The following GAREM1 variants were observed in gnomAD, a reference collection of about 807,000 sequenced individuals.
GAREM1 encodes GRB2-associated and regulator of MAPK protein 1.
GAREM1 carries 26 observed loss-of-function variants against 71.3 expected under a neutral mutation model. The observed-to-expected ratio is 0.36, with a 90% CI of 0.27 to 0.51. The LOEUF (loss-of-function observed/expected upper bound fraction) is 0.51, where lower values mean the gene tolerates loss of function less well. Among genes scored for constraint, GAREM1 ranks in the 20% least tolerant of loss-of-function variants. GAREM1 has a pLI of 0.95. For missense variants in GAREM1, 1,026 were observed against 1,103.1 expected, an observed-to-expected ratio of 0.93 and a Z score of 0.99; for synonymous variants, 440 against 433.2, an observed-to-expected ratio of 1.02 and a Z score of -0.20.
chr18:32,457,480 C>T lies in GAREM1; in HGVS notation c.121+12828G>A, dbSNP rs1473522959. 5.3e-5 allele frequency among the ~76,000 whole-genome samples: 8 copies of T among 152,016 alleles called. No homozygotes were observed. In the East Asian group the frequency reaches 7.7e-4, roughly 15 times the overall value. Reference sequence around the variant, plus strand: ...CAAGAAACTCTCCTCTGATAACACACATTATTCAACTGTACACAATCTACT... The same window carrying T: ...CAAGAAACTCTCCTCTGATAACACATATTATTCAACTGTACACAATCTACT... On this transcript the variant is annotated intron_variant, in intron 1 of 5. Coordinates refer to ENST00000269209, the MANE Select transcript of GAREM1 (RefSeq NM_001242409.2).
intron 1 of GAREM1, among the ~76,000 whole-genome samples, chr18:32,405,062 C>T (rs981963162): frequency 1.3e-5 from 2 of 152,202 alleles, no homozygotes; most frequent in East Asian, 1.9e-4. Flanking sequence ...AGTGATAATA[C>T]TGTACTTATT....
intron 3 of GAREM1, among the ~76,000 whole-genome samples, chr18:32,292,481 G>A (rs951641908): frequency 6.6e-6 from 1 of 152,086 alleles, no homozygotes; most frequent in African/African-American, 2.4e-5. Flanking sequence ...TGTCTGATAT[G>A]GTTTGGCTGT....
At chr18:32,275,608 CG>C (rs1336890892) in intron 4 of GAREM1, among the ~76,000 whole-genome samples, 1 of 152,216 alleles carries the variant, frequency 6.6e-6, no homozygotes, top group African/African-American at 2.4e-5. Context: ...AGCAATTCCC[CG>C]GCCTAAAGCT....
chr18:32,342,535 C>G (rs1317320723), intron 2 of GAREM1, among the ~76,000 whole-genome samples: 1 of 152,192 alleles, frequency 6.6e-6, no homozygotes, highest in East Asian at 1.9e-4. Flanking sequence ...TCTCCTGTGT[C>G]TGGGACACCT....
At chr18:32,277,170 A>G (rs2041554367) in intron 4 of GAREM1, among the ~76,000 whole-genome samples, 1 of 152,174 alleles carries the variant, frequency 6.6e-6, no homozygotes, top group Non-Finnish European at 1.5e-5. Context: ...GGTGTTCGTG[A>G]GGGCAGATCA....
At chr18:32,354,387 T>C (rs1319678137) in intron 2 of GAREM1, among the ~76,000 whole-genome samples, 1 of 152,232 alleles carries the variant, frequency 6.6e-6, no homozygotes, top group Non-Finnish European at 1.5e-5. Flanking sequence ...TCTTTGTTAC[T>C]TGACTGAATA....
intron 3 of GAREM1, among the ~76,000 whole-genome samples, chr18:32,306,465 C>A (rs916902669): frequency 2.8e-5 from 4 of 140,428 alleles, no homozygotes; most frequent in Admixed American, 1.4e-4. Context: ...TAGCAGCAAC[C>A]CCCCCCACCC....
intron 1 of GAREM1, among the ~76,000 whole-genome samples, chr18:32,456,185 G>C (rs2048886617): frequency 6.6e-6 from 1 of 151,926 alleles, no homozygotes; most frequent in South Asian, 2.1e-4. Context: ...TCAATTGATC[G>C]GAAAAATGTA....
chr18:32,421,260 C>T (rs1040834862), intron 1 of GAREM1, among the ~76,000 whole-genome samples: 5 of 152,034 alleles, frequency 3.3e-5, no homozygotes, highest in African/African-American at 1.2e-4. Flanking sequence ...GCACTTGGAC[C>T]AGGCACTTGG....
chr18:32,431,580 A>C (rs2048624931), intron 1 of GAREM1, among the ~76,000 whole-genome samples: 1 of 152,174 alleles, frequency 6.6e-6, no homozygotes, highest in Non-Finnish European at 1.5e-5. Flanking sequence ...GTGAGCCGAG[A>C]TCACGCCACT....
intron 1 of GAREM1, among the ~76,000 whole-genome samples, chr18:32,400,799 T>C (rs1457072168): frequency 1.3e-5 from 2 of 152,184 alleles, no homozygotes; most frequent in East Asian, 3.9e-4. Flanking sequence ...AGAAATACCA[T>C]TTGACCCAGC....
chr18:32,373,406 T>C (rs2048004505), intron 2 of GAREM1, among the ~76,000 whole-genome samples: 1 of 152,178 alleles, frequency 6.6e-6, no homozygotes, highest in Non-Finnish European at 1.5e-5. Flanking sequence ...TGAACCCTAA[T>C]GCCCAACATG....
At chr18:32,307,649 G>A (rs921755121) in intron 3 of GAREM1, among the ~76,000 whole-genome samples, 1 of 152,018 alleles carries the variant, frequency 6.6e-6, no homozygotes, top group Non-Finnish European at 1.5e-5. Context: ...CAGCCCCACC[G>A]AGTAGCTGGG....
chr18:32,383,938 T>C (rs1429525694), intron 2 of GAREM1, among the ~76,000 whole-genome samples: 1 of 152,186 alleles, frequency 6.6e-6, no homozygotes, highest in Admixed American at 6.5e-5. Flanking sequence ...TTTTAGAGCT[T>C]TACTAGCATT....
intron 5 of GAREM1, 71 bp from the exon 6 acceptor site, chr18:32,268,839 TA>T: frequency 1.5e-6 from 2 of 1,292,248 alleles, no homozygotes; most frequent in Non-Finnish European, 2.2e-6. Flanking sequence ...TTGTTATTTA[TA>T]GACGTTACTG....
At chr18:32,469,213 C>T (rs1312730058) in intron 1 of GAREM1, among the ~76,000 whole-genome samples, 2 of 152,128 alleles carry the variant, frequency 1.3e-5, no homozygotes, top group Non-Finnish European at 2.9e-5. Context: ...TGTATGTATA[C>T]ATCTCACGTT....
chr18:32,295,963 C>CTTT (rs112464339), intron 3 of GAREM1, among the ~76,000 whole-genome samples: 2 of 146,404 alleles, frequency 1.4e-5, no homozygotes, highest in African/African-American at 5.0e-5. Context: ...TTAGCTTTTT[C>CTTT]TTTTTTTTTT....
chr18:32,331,518 G>GC (rs2047535224), intron 2 of GAREM1: 1 of 152,146 alleles, frequency 6.6e-6, no homozygotes, highest in African/African-American at 2.4e-5. Flanking sequence ...AGAAAATAAG[G>GC]CAACACATAG....
At position 32,270,402 on chromosome 18, in the gene GAREM1, C is replaced by A. The variant is rs1322982951; in HGVS notation, c.1567-19G>T. ...CTCTGACCTGGCGCAGAAAAGAACACTCCAGGTTAGCAACAGACTGACAAT... is the reference window on the plus strand; with the variant it reads ...CTCTGACCTGGCGCAGAAAAGAACAATCCAGGTTAGCAACAGACTGACAAT... On this transcript the variant is annotated intron_variant, in intron 4 of 5. Transcript: ENST00000269209. 6.3e-7 allele frequency: 1 copy of A among 1,595,510 alleles called. No individual in the cohort carries two copies. Among genetic ancestry groups the A allele is most frequent in the African/African-American group, 1.3e-5 (1 of 74,274 alleles).
Sources: allele counts gnomAD v4.1 joint callset (sites outside exome capture counted in the v4.1 genomes callset), GRCh38; gene constraint gnomAD v4.1.1; transcripts MANE v1.5; gene names NCBI Gene and HGNC (gene_info 2026-07-23, HGNC 2026-07-21).